Variants in SUSD3 observed in about 807,000 individuals in gnomAD.
The protein encoded by SUSD3 is sushi domain containing 3.
SUSD3 carries 18 observed loss-of-function variants against 20.6 expected under a neutral mutation model. The ratio of observed to expected loss-of-function variants is 0.87; its 90% CI spans 0.60 to 1.30. The LOEUF is 1.30. Among genes scored for constraint, SUSD3 ranks in the 50% most tolerant of loss-of-function variants. The pLI is 0.00. For missense variants in SUSD3, 306 were observed against 346.9 expected, an observed-to-expected ratio of 0.88 and a Z score of 0.94; for synonymous variants, 137 against 141.5, an observed-to-expected ratio of 0.97 and a Z score of 0.23.
At chr9:93,083,026 T>A (rs934290860) in intron 4 of SUSD3, among the ~76,000 whole-genome samples, 7 of 151,986 alleles carry the variant, frequency 4.6e-5, no homozygotes, top group African/African-American at 1.7e-4. Flanking sequence ...CGTCCAAGAG[T>A]GGCCACAGAT....
At chr9:93,063,852 C>T (rs553867263) in intron 1 of SUSD3, among the ~76,000 whole-genome samples, 18 of 152,326 alleles carry the variant, frequency 1.2e-4, no homozygotes, top group African/African-American at 2.4e-4. Context: ...GCCAGGACTG[C>T]GTTTAAGGCC....
chr9:93,058,897 G>A (rs763135867), intron 1 of SUSD3, 67 bp downstream of exon 1: 4 of 1,019,468 alleles, frequency 3.9e-6, no homozygotes, highest in East Asian at 3.3e-5. Context: ...GAAAGCCGAG[G>A]GGAGGGGGTC....
chr9:93,078,146 A>T (rs753563344), intron 3 of SUSD3, among the ~76,000 whole-genome samples, 153 bp downstream of exon 3: 4 of 152,186 alleles, frequency 2.6e-5, no homozygotes, highest in Admixed American at 6.5e-5. Flanking sequence ...CTCCCCCCCA[A>T]GTGCTGCTCC....
rs145479196 is a variant in SUSD3, at chr9:93,067,684, G to A, written c.89-8100G>A. On this transcript the variant is annotated intron_variant, in intron 1 of 4. Coordinates refer to ENST00000375472, the MANE Select transcript of SUSD3 (RefSeq NM_145006.4). ...CTGATCTCGGCTGACTGCAACCTCC[G>A]CCTCCCAGGTTCAAGTGATACTCCT... Among the ~76,000 whole-genome samples the A allele has an allele frequency of 5.0e-3, 749 of 150,016 alleles. 7 individuals are homozygous for A. Among genetic ancestry groups the A allele is most frequent in the African/African-American group, 0.017 (693 of 40,690 alleles).
intron 2 of SUSD3, among the ~76,000 whole-genome samples, chr9:93,076,424 G>A (rs1255546437): frequency 5.9e-5 from 9 of 152,132 alleles, no homozygotes; most frequent in South Asian, 2.1e-4. Flanking sequence ...AGGTCATAAC[G>A]TGCCTGGCCC....
chr9:93,069,978 C>T (rs1364163410), intron 1 of SUSD3, among the ~76,000 whole-genome samples: 1 of 152,052 alleles, frequency 6.6e-6, no homozygotes, highest in Non-Finnish European at 1.5e-5. Context: ...AGGGTTTCAC[C>T]ATGTTGGCCA....
intron 1 of SUSD3, among the ~76,000 whole-genome samples, chr9:93,074,990 A>G (rs921575439): frequency 7.2e-5 from 11 of 152,158 alleles, no homozygotes; most frequent in African/African-American, 2.7e-4. Context: ...GCTCTGCAGA[A>G]AGGTTGGATC....
rs989411910 is a variant in SUSD3 at position 93,074,616 on chromosome 9, C to CTTTTTT, written c.89-1151_89-1146dup. ...CATAGAGAAATCTTGGCAGCAGATTCTTTTTTTTTTTTTTTTTTTTTTGAG... is the reference window on the plus strand; with the variant it reads ...CATAGAGAAATCTTGGCAGCAGATTCTTTTTTTTTTTTTTTTTTTTTTTTTTTTGAG... On this transcript the variant is annotated intron_variant, in intron 1 of 4. Transcript: ENST00000375472. Among the ~76,000 whole-genome samples the CTTTTTT allele has an allele frequency of 6.9e-4, 66 of 96,340 alleles. 1 individual carries two copies. The highest frequency in any genetic ancestry group is 1.5e-3 in the African/African-American group (32 of 21,958). The allele number at this position is 96,340 out of a possible 152,430, so 63.2% of individuals were successfully genotyped here.
In SUSD3 at chr9:93,067,066, G is replaced by A. The variant is rs1053553163; in HGVS notation, c.88+8236G>A. Among the ~76,000 whole-genome samples the A allele has an allele frequency of 6.6e-5, 10 of 152,280 alleles. 1 individual carries two copies. The Middle Eastern group carries it at 0.017, about 259-fold the overall frequency. ...GCATAAGAAGATCCCATACCCCTTAGCAGCCATCTCCCAGTTTTCCCTTTC... is the reference window on the plus strand; with the variant it reads ...GCATAAGAAGATCCCATACCCCTTAACAGCCATCTCCCAGTTTTCCCTTTC... On this transcript the variant is annotated intron_variant, in intron 1 of 4. Coordinates refer to ENST00000375472, the MANE Select transcript of SUSD3 (RefSeq NM_145006.4).
intron 1 of SUSD3, among the ~76,000 whole-genome samples, chr9:93,062,663 C>A (rs888542027): frequency 6.6e-6 from 1 of 152,040 alleles, no homozygotes; most frequent in Non-Finnish European, 1.5e-5. Context: ...TGGGATCTGC[C>A]TCTCATGCAT....
intron 1 of SUSD3, among the ~76,000 whole-genome samples, chr9:93,060,575 T>TA (rs1391260342): frequency 2.0e-5 from 3 of 152,132 alleles, no homozygotes; most frequent in Non-Finnish European, 4.4e-5. Context: ...CTCATGCCTC[T>TA]AATCCCACAC....
In SUSD3 at chr9:93,081,307, ACAT is replaced by A. The variant is rs1276039396; in HGVS notation, c.557+1709_557+1711del. ...CGGGGTCTGGGCGGGCATCCAGACG[ACAT>A]CATTGAGCTTGTGTTCCCTTCCTTC... On this transcript the variant is annotated intron_variant, in intron 4 of 4. Coordinates refer to ENST00000375472, the MANE Select transcript of SUSD3 (RefSeq NM_145006.4). Among the ~76,000 whole-genome samples, 6 of 152,288 alleles carry A rather than the reference ACAT, an allele frequency of 3.9e-5. No homozygotes were observed. In the South Asian group the frequency reaches 1.2e-3, roughly 32 times the overall value.
chr9:93,082,310 CTTTTT>C (rs561486543), intron 4 of SUSD3, among the ~76,000 whole-genome samples: 32 of 87,228 alleles, frequency 3.7e-4, no homozygotes, highest in African/African-American at 1.4e-3. Context: ...GGCCTCTTTC[CTTTTT>C]TTTTTTTTTT....
chr9:93,076,188 G>C (rs7046192), intron 2 of SUSD3, among the ~76,000 whole-genome samples: 46,754 of 152,032 alleles, frequency 0.31, 10,283 homozygotes, highest in African/African-American at 0.63. Context: ...AGCACGGACC[G>C]AAAACCTAGT....
intron 1 of SUSD3, among the ~76,000 whole-genome samples, chr9:93,062,125 G>A (rs904336092): frequency 2.0e-5 from 3 of 152,202 alleles, no homozygotes; most frequent in African/African-American, 7.2e-5. Context: ...GGCCCCCTCC[G>A]TACATAAGGC....
chr9:93,082,870 C>T (rs9696357), intron 4 of SUSD3, among the ~76,000 whole-genome samples: 33,437 of 152,174 alleles, frequency 0.22, 4,457 homozygotes, highest in African/African-American at 0.37. Context: ...CTGCCGCTGC[C>T]GCAGGGGCTT....
chr9:93,064,586 T>G (rs1825635333), intron 1 of SUSD3, among the ~76,000 whole-genome samples: 1 of 152,194 alleles, frequency 6.6e-6, no homozygotes, highest in Admixed American at 6.5e-5. Context: ...AGACAAGACC[T>G]TGGTCGACCT....
chr9:93,082,596 C>T (rs550027735), intron 4 of SUSD3, among the ~76,000 whole-genome samples: 1 of 152,296 alleles, frequency 6.6e-6, no homozygotes, highest in South Asian at 2.1e-4. Context: ...GGATTACAGG[C>T]GTGAGCCACC....
intron 1 of SUSD3, among the ~76,000 whole-genome samples, chr9:93,060,974 G>A (rs1353741496): frequency 1.3e-5 from 2 of 152,254 alleles, no homozygotes; most frequent in African/African-American, 4.8e-5. Context: ...CTTCCTGAGA[G>A]GCAGGAAGTG....
Sources: allele counts gnomAD v4.1 joint callset (sites outside exome capture counted in the v4.1 genomes callset), GRCh38; gene constraint gnomAD v4.1.1; transcripts MANE v1.5; gene names NCBI Gene and HGNC (gene_info 2026-07-23, HGNC 2026-07-21).